DCAF13: variants seen among roughly 807,000 people sequenced by gnomAD.
The protein encoded by DCAF13 is DDB1- and CUL4-associated factor 13.
A neutral mutation model predicts 59.0 loss-of-function variants in DCAF13; 38 were observed. That is an observed-to-expected ratio of 0.64 (90% CI 0.50 to 0.84). The LOEUF is 0.84. Ranked by LOEUF, DCAF13 falls within the 40% of genes least tolerant of loss-of-function variation. The pLI, the probability that DCAF13 is intolerant of heterozygous loss-of-function variation, is 0.00. For synonymous variants in DCAF13, 173 were observed against 175.0 expected (o/e 0.99, Z 0.09); for missense variants, 469 against 558.4 (o/e 0.84, Z 1.61).
At chr8:103,437,024 A>G (rs1048857322) in intron 8 of DCAF13, among the ~76,000 whole-genome samples, 4 of 152,290 alleles carry the variant, frequency 2.6e-5, no homozygotes, top group Non-Finnish European at 5.9e-5. Flanking sequence ...TTATCTGATT[A>G]TGAAGGTGCT....
In DCAF13 at chr8:103,442,971, G is replaced by T. The variant is rs1817030123; in HGVS notation, c.*89G>T. On this transcript the variant is annotated 3_prime_UTR_variant, in exon 11 of 11. Transcript: ENST00000612750. ...TAAAAGTGCTGGGACTAGATTAATTGCAAACATTTTAGTTATATGTGTAGA... is the reference window on the plus strand; with the variant it reads ...TAAAAGTGCTGGGACTAGATTAATTTCAAACATTTTAGTTATATGTGTAGA... 8.9e-6 allele frequency: 8 copies of T among 896,706 alleles called. No homozygotes were observed. The highest frequency in any genetic ancestry group is 1.3e-5 in the Non-Finnish European group (8 of 593,618). 55.5% of individuals were successfully genotyped at this position (896,706 alleles called of 1,614,324 possible). A position where few individuals can be genotyped will look rare whatever the true frequency, so the allele number is the denominator to read the frequency against.
intron 5 of DCAF13, chr8:103,428,224 ACT>A (rs1414557983): frequency 2.6e-5 from 4 of 152,038 alleles, no homozygotes; most frequent in East Asian, 1.9e-4. Flanking sequence ...GTCAGAGGAC[ACT>A]CTTCCTGCAA....
chr8:103,425,931 T>C, intron 3 of DCAF13, 125 bp from the exon 4 acceptor site: 2 of 692,350 alleles, frequency 2.9e-6, no homozygotes. Context: ...GATCAATAAG[T>C]GTAATACTGG....
At chr8:103,442,705 A>T in intron 10 of DCAF13, 90 bp from the exon 11 acceptor site, 1 of 800,036 alleles carries the variant, frequency 1.2e-6, no homozygotes, top group Non-Finnish European at 1.9e-6. Flanking sequence ...GTGTTTTTCT[A>T]GTGAAAGAAA....
At chr8:103,435,391 A>G (rs1816919232) in intron 7 of DCAF13, among the ~76,000 whole-genome samples, 1 of 152,154 alleles carries the variant, frequency 6.6e-6, no homozygotes, top group African/African-American at 2.4e-5. Flanking sequence ...CACATTTTCT[A>G]CAATGAGATT....
chr8:103,426,038 TAAAAC>T lies in DCAF13; in HGVS notation c.379-14_379-10del, dbSNP rs3837183. The stretch of plus-strand genomic sequence containing the variant: ...CTGTTGTTCCTTACCATCATCATAA[TAAAAC>T]AAATATTTCTAGGTTGGTGATGACA... On this transcript the variant is annotated splice_polypyrimidine_tract_variant and intron_variant, in intron 3 of 10. Transcript: ENST00000612750. 96 of 1,579,238 alleles carry T rather than the reference TAAAAC, an allele frequency of 6.1e-5. No individual in the cohort carries two copies. In the East Asian group the frequency reaches 2.0e-3, roughly 34 times the overall value.
intron 4 of DCAF13, 28 bp downstream of exon 4, chr8:103,426,173 G>A: frequency 3.1e-6 from 4 of 1,304,612 alleles, no homozygotes; most frequent in Non-Finnish European, 3.2e-6. Flanking sequence ...CTAATAGCTT[G>A]CCTATTAACA....
intron 8 of DCAF13, among the ~76,000 whole-genome samples, chr8:103,439,095 C>T (rs1816970774): frequency 6.6e-6 from 1 of 152,134 alleles, no homozygotes. Context: ...GCAAGCTCCG[C>T]CTCCTGGGTT....
At position 103,442,794 on chromosome 8, in the gene DCAF13, G is replaced by T; in HGVS notation, c.1251-1G>T. 1 of 1,566,354 alleles carries T rather than the reference G, an allele frequency of 6.4e-7. No individual in the cohort carries two copies. The highest frequency in any genetic ancestry group is 1.2e-5 in the South Asian group (1 of 82,026). On this transcript the variant is annotated splice_acceptor_variant, in intron 10 of 10. Transcript: ENST00000612750. LOFTEE classifies it high-confidence loss of function. Reference sequence around the variant, plus strand: ...TTATATTTTGTATATTTTATTTCTAGGGAAGTGAATCGTATTAAACACAGC... The same window carrying T: ...TTATATTTTGTATATTTTATTTCTATGGAAGTGAATCGTATTAAACACAGC...
chr8:103,438,325 TC>T (rs1429560694), intron 8 of DCAF13, among the ~76,000 whole-genome samples: 2 of 152,186 alleles, frequency 1.3e-5, no homozygotes, highest in Non-Finnish European at 2.9e-5. Flanking sequence ...TCATCCCCTC[TC>T]TTTTAAAAAT....
intron 7 of DCAF13, 79 bp from the exon 8 acceptor site, chr8:103,435,547 G>A (rs1816921178): frequency 5.8e-6 from 7 of 1,216,468 alleles, no homozygotes; most frequent in East Asian, 2.5e-5. Context: ...AATGGTTCTT[G>A]TTTTCAGTGG....
chr8:103,418,283 C>T (rs1816655142), intron 1 of DCAF13, among the ~76,000 whole-genome samples: 1 of 152,052 alleles, frequency 6.6e-6, no homozygotes, highest in South Asian at 2.1e-4. Flanking sequence ...CTTTGGGCGG[C>T]AAAGGTGGGA....
At chr8:103,418,944 C>T (rs1453444900) in intron 1 of DCAF13, among the ~76,000 whole-genome samples, 1 of 126,662 alleles carries the variant, frequency 7.9e-6, no homozygotes, top group Non-Finnish European at 1.6e-5. Flanking sequence ...AGTGCAGTGG[C>T]GCGATCTCGG....
intron 3 of DCAF13, among the ~76,000 whole-genome samples, chr8:103,421,940 C>T (rs1816727891): frequency 6.6e-6 from 1 of 152,164 alleles, no homozygotes; most frequent in South Asian, 2.1e-4. Flanking sequence ...TGTACAAATA[C>T]CAATTCAAGT....
chr8:103,442,661 CCT>C (rs1817026348), intron 10 of DCAF13, 132 bp from the exon 11 acceptor site: 1 of 555,698 alleles, frequency 1.8e-6, no homozygotes, highest in African/African-American at 1.9e-5. Context: ...CTTCCTTTTA[CCT>C]ATTGTCATCG....
intron 1 of DCAF13, among the ~76,000 whole-genome samples, chr8:103,418,869 T>A (rs13280790): frequency 1.8e-3 from 34 of 18,432 alleles, no homozygotes; most frequent in African/African-American, 6.5e-3. Context: ...TATATATATT[T>A]TTTTTTTTTT....
intron 2 of DCAF13, 162 bp downstream of exon 2, chr8:103,420,625 CT>C: frequency 1.5e-6 from 1 of 677,542 alleles, no homozygotes; most frequent in Non-Finnish European, 2.4e-6. Context: ...TTCTTTAAAC[CT>C]AAGAAATTAT....
intron 3 of DCAF13, among the ~76,000 whole-genome samples, chr8:103,423,709 A>G (rs780324373): frequency 3.9e-5 from 6 of 152,266 alleles, no homozygotes; most frequent in Non-Finnish European, 8.8e-5. Context: ...GGTAACAGAT[A>G]TGTTAATTAG....
chr8:103,443,174 A>T lies in DCAF13; in HGVS notation c.*292A>T, dbSNP rs1174188224. ...TACTTTCTCTTTGATCTATTATTGT[A>T]GACACTATACATTCAAATTGACATT... On this transcript the variant is annotated 3_prime_UTR_variant, in exon 11 of 11. Coordinates refer to ENST00000612750, the MANE Select transcript of DCAF13 (RefSeq NM_015420.7). 1 of 210,606 alleles carries T rather than the reference A, an allele frequency of 4.7e-6. No homozygotes were observed. The highest frequency in any genetic ancestry group is 9.4e-6 in the Non-Finnish European group (1 of 106,360). 13.0% of individuals were successfully genotyped at this position (210,606 alleles called of 1,614,324 possible).
Sources: allele counts gnomAD v4.1 joint callset (sites outside exome capture counted in the v4.1 genomes callset), GRCh38; gene constraint gnomAD v4.1.1; transcripts MANE v1.5; gene names NCBI Gene and HGNC (gene_info 2026-07-23, HGNC 2026-07-21).